SCUBE1: variants seen among roughly 807,000 people sequenced by gnomAD.
SCUBE1 encodes the protein signal peptide, CUB and EGF-like domain-containing protein 1.
A neutral mutation model predicts 124.4 loss-of-function variants in SCUBE1; 59 were observed. That is an observed-to-expected ratio of 0.47 (90% CI 0.38 to 0.59). The LOEUF (loss-of-function observed/expected upper bound fraction) is 0.59, where lower values mean the gene tolerates loss of function less well. SCUBE1 is among the 20% of genes least tolerant of loss of function. The probability of loss-of-function intolerance (pLI) is 0.00; values close to 1 mark genes in which losing one functional copy is unlikely to be tolerated. For synonymous variants in SCUBE1, 545 were observed against 550.9 expected (o/e 0.99, Z 0.15); for missense variants, 1,150 against 1,371.2 (o/e 0.84, Z 2.55).
chr22:43,293,001 C>G (rs1208248586), intron 3 of SCUBE1, among the ~76,000 whole-genome samples: 3 of 152,208 alleles, frequency 2.0e-5, no homozygotes, highest in Non-Finnish European at 4.4e-5. Flanking sequence ...AGGGACTATC[C>G]TCAGCACCTT....
chr22:43,323,634 A>G (rs1192538667), intron 2 of SCUBE1, among the ~76,000 whole-genome samples: 2 of 151,222 alleles, frequency 1.3e-5, no homozygotes, highest in Non-Finnish European at 2.9e-5. Context: ...CCATCCATCC[A>G]GATGAGAAAT....
At position 43,264,789 on chromosome 22, in the gene SCUBE1, C is replaced by A. The variant is rs151271554; in HGVS notation, c.485-1944G>T. ...GAGGGTGCTCCATCTCCCCTTGCTG[C>A]TCCTTCCTCCTGGGCCGGACACCCT... On this transcript the variant is annotated intron_variant, in intron 4 of 21. Coordinates refer to ENST00000360835, the MANE Select transcript of SCUBE1 (RefSeq NM_173050.5). Among the ~76,000 whole-genome samples the A allele has an allele frequency of 2.0e-5, 3 of 152,364 alleles. No homozygotes were observed. The East Asian group carries it at 5.8e-4, about 29-fold the overall frequency.
intron 3 of SCUBE1, among the ~76,000 whole-genome samples, chr22:43,312,037 G>A (rs1032223824): frequency 6.6e-6 from 1 of 152,160 alleles, no homozygotes; most frequent in Non-Finnish European, 1.5e-5. Flanking sequence ...AGCCAAGGGT[G>A]GGAAAGGCAG....
intron 5 of SCUBE1, 31 bp downstream of exon 5, chr22:43,262,689 A>T: frequency 3.1e-6 from 5 of 1,609,004 alleles, no homozygotes; most frequent in Non-Finnish European, 4.3e-6. Context: ...GACGCACGGG[A>T]CGTTTGACCC....
chr22:43,228,357 A>G (rs1922410402), intron 9 of SCUBE1, among the ~76,000 whole-genome samples: 1 of 152,058 alleles, frequency 6.6e-6, no homozygotes, highest in Non-Finnish European at 1.5e-5. Flanking sequence ...GCATGCTCCC[A>G]TGCCTGGAGC....
At chr22:43,264,860 C>G (rs2146714571) in intron 4 of SCUBE1, among the ~76,000 whole-genome samples, 1 of 152,376 alleles carries the variant, frequency 6.6e-6, no homozygotes, top group South Asian at 2.1e-4. Flanking sequence ...TCAAACTCCA[C>G]CAGTTCCCCA....
intron 7 of SCUBE1, 61 bp from the exon 8 acceptor site, chr22:43,231,936 G>A (rs1019934740): frequency 6.3e-6 from 10 of 1,591,208 alleles, no homozygotes; most frequent in South Asian, 1.1e-5. Context: ...TGTGACCAGC[G>A]GGGGGACGGC....
chr22:43,306,288 A>G (rs976671426), intron 3 of SCUBE1, among the ~76,000 whole-genome samples: 2 of 152,222 alleles, frequency 1.3e-5, no homozygotes, highest in South Asian at 2.1e-4. Context: ...AGCCTTCACA[A>G]GACACTTATT....
chr22:43,289,535 G>A (rs898399272), intron 4 of SCUBE1, among the ~76,000 whole-genome samples: 7 of 152,354 alleles, frequency 4.6e-5, no homozygotes, highest in African/African-American at 1.7e-4. Flanking sequence ...TAAGGAGCCT[G>A]TTCGAGTATT....
At chr22:43,239,826 C>T (rs146756054) in intron 6 of SCUBE1, among the ~76,000 whole-genome samples, 39 of 152,292 alleles carry the variant, frequency 2.6e-4, no homozygotes, top group East Asian at 7.7e-4. Context: ...AGCCAATGGG[C>T]GCCCATCTCT....
At chr22:43,295,622 C>T (rs893476367) in intron 3 of SCUBE1, among the ~76,000 whole-genome samples, 4 of 152,222 alleles carry the variant, frequency 2.6e-5, no homozygotes, top group Admixed American at 2.0e-4. Flanking sequence ...TCTAGGAATC[C>T]GCTGCGGCTG....
At chr22:43,244,970 T>A (rs1268522306) in intron 6 of SCUBE1, among the ~76,000 whole-genome samples, 1 of 152,198 alleles carries the variant, frequency 6.6e-6, no homozygotes, top group East Asian at 1.9e-4. Context: ...TGAAAAGGGA[T>A]TGGCCGGCCC....
chr22:43,232,334 C>T (rs547684097), intron 7 of SCUBE1: 6 of 165,188 alleles, frequency 3.6e-5, no homozygotes, highest in Admixed American at 2.8e-4. Flanking sequence ...GCTTGCAGAG[C>T]GAGGACAGGA....
intron 3 of SCUBE1, among the ~76,000 whole-genome samples, chr22:43,310,436 A>G (rs531496655): frequency 6.6e-6 from 1 of 152,324 alleles, no homozygotes; most frequent in East Asian, 1.9e-4. Flanking sequence ...CTACCAGCCC[A>G]TGTGGAAAGA....
chr22:43,222,520 C>T lies in SCUBE1; in HGVS notation c.1432+118G>A, dbSNP rs1292843409. ...CGCCAGCACCCCAGGCCACACGGAG[C>T]AGGGCCGAGAGCAGGAAGGTCTTCC... is the stretch of plus-strand genomic sequence containing the variant. On this transcript the variant is annotated intron_variant, in intron 12 of 21. Transcript: ENST00000360835. 1.9e-5 allele frequency: 15 copies of T among 777,012 alleles called. No individual in the cohort carries two copies. The East Asian group carries it at 3.8e-4, about 20-fold the overall frequency. The allele number at this position is 777,012 out of a possible 1,614,324, so 48.1% of individuals were successfully genotyped here.
At position 43,214,096 on chromosome 22, in the gene SCUBE1, A is replaced by T. The variant is rs774014756; in HGVS notation, c.2047T>A (p.Cys683Ser). Residue 683 changes from cysteine to serine, a missense_variant, in exon 16 of 22, where the codon TGT becomes AGT. By Grantham distance (112) the Cys-to-Ser change is moderately radical (BLOSUM62 -1). Coordinates refer to ENST00000360835, the MANE Select transcript of SCUBE1 (RefSeq NM_173050.5). ...CTTCTAGGCCCGCACTTGCCTCCAC[A>T]TTCCGACACGTTGCGGGCACCAGGC... is the stretch of plus-strand genomic sequence containing the variant. ...GLPGARNVSE[C>S]GGQCSPGFFS... 2 of 1,336,954 alleles carry T rather than the reference A, an allele frequency of 1.5e-6. No individual in the cohort carries two copies. Among genetic ancestry groups the T allele is most frequent in the South Asian group, 2.4e-5 (2 of 84,128 alleles). 82.8% of individuals were successfully genotyped at this position (1,336,954 alleles called of 1,614,324 possible). A position where few individuals can be genotyped will look rare whatever the true frequency, so the allele number is the denominator to read the frequency against.
intron 16 of SCUBE1, 44 bp downstream of exon 16, chr22:43,214,046 C>CGG: frequency 9.5e-6 from 4 of 422,700 alleles, no homozygotes; most frequent in Non-Finnish European, 8.3e-6. Flanking sequence ...GAGGAGCCCC[C>CGG]GCCCACCCCC....
chr22:43,267,653 G>T (rs890922757), intron 4 of SCUBE1, among the ~76,000 whole-genome samples: 2 of 152,210 alleles, frequency 1.3e-5, no homozygotes, highest in African/African-American at 4.8e-5. Flanking sequence ...GACAGATAAA[G>T]CAACAGTGAC....
At chr22:43,264,540 C>T (rs781552176) in intron 4 of SCUBE1, among the ~76,000 whole-genome samples, 2 of 152,194 alleles carry the variant, frequency 1.3e-5, no homozygotes, top group Non-Finnish European at 2.9e-5. Context: ...CTCATCAGGT[C>T]CTCTGGGAGC....
Sources: allele counts gnomAD v4.1 joint callset (sites outside exome capture counted in the v4.1 genomes callset), GRCh38; gene constraint gnomAD v4.1.1; transcripts MANE v1.5; gene names NCBI Gene and HGNC (gene_info 2026-07-23, HGNC 2026-07-21).